MTOR: variants seen among roughly 807,000 people sequenced by gnomAD.
MTOR encodes the protein serine/threonine-protein kinase mTOR.
MTOR carries 70 observed loss-of-function variants against 319.8 expected under a neutral mutation model. The observed-to-expected ratio is 0.22, with a 90% CI of 0.18 to 0.27. The LOEUF (loss-of-function observed/expected upper bound fraction) is 0.27, where lower values mean the gene tolerates loss of function less well. MTOR is among the 10% of genes least tolerant of loss of function. The pLI, the probability that MTOR is intolerant of heterozygous loss-of-function variation, is 1.00. For missense variants in MTOR, 1,890 were observed against 3,274.4 expected (o/e 0.58, Z 10.32); for synonymous variants, 1,183 against 1,211.4 (o/e 0.98, Z 0.49).
At chr1:11,221,639 G>A (rs1646665163) in intron 19 of MTOR, among the ~76,000 whole-genome samples, 1 of 150,704 alleles carries the variant, frequency 6.6e-6, no homozygotes, top group African/African-American at 2.4e-5. Flanking sequence ...ACAACAGCCA[G>A]GGTGATCAGG....
intron 34 of MTOR, 108 bp downstream of exon 34, chr1:11,144,540 A>G (rs1643862991): frequency 2.5e-6 from 2 of 795,256 alleles, no homozygotes; most frequent in Admixed American, 4.5e-5. Context: ...CTGGTGGAGG[A>G]GGCAGGAAAA....
At chr1:11,200,379 C>G (rs1373582711) in intron 26 of MTOR, among the ~76,000 whole-genome samples, 1 of 152,142 alleles carries the variant, frequency 6.6e-6, no homozygotes, top group African/African-American at 2.4e-5. Flanking sequence ...TCTAAGCCAA[C>G]AGTTGGGGCC....
At chr1:11,111,146 T>G in intron 54 of MTOR, 1 of 455,924 alleles carries the variant, frequency 2.2e-6, no homozygotes. Flanking sequence ...AACACCCTTT[T>G]CCTTTCTACC....
chr1:11,174,004 G>A (rs908038979), intron 28 of MTOR, among the ~76,000 whole-genome samples: 10 of 152,128 alleles, frequency 6.6e-5, no homozygotes, highest in African/African-American at 2.4e-4. Flanking sequence ...GTATTATTTC[G>A]ACCCTGTGAA....
chr1:11,167,034 G>A (rs1644666304), intron 29 of MTOR, among the ~76,000 whole-genome samples: 1 of 152,140 alleles, frequency 6.6e-6, no homozygotes, highest in Non-Finnish European at 1.5e-5. Context: ...TCATAGGTGG[G>A]AACTGAACAA....
chr1:11,127,608 G>A lies in MTOR; in HGVS notation c.6216+16C>T. On this transcript the variant is annotated intron_variant, in intron 44 of 57. Transcript: ENST00000361445. The surrounding 1 kb of genome is among the most constrained non-coding windows in gnomAD (Gnocchi z 5.5). ...TTTCTACAGGGTTATGTCCTTTCGT[G>A]TTTTTTACCCCATACCTGATTAAAG... 5.0e-6 allele frequency: 8 copies of A among 1,588,058 alleles called. No homozygotes were observed. The highest frequency in any genetic ancestry group is 6.8e-6 in the Non-Finnish European group (8 of 1,169,582).
chr1:11,145,113 C>A lies in MTOR; in HGVS notation c.4687-68G>T, dbSNP rs924644287. 3.5e-5 allele frequency: 45 copies of A among 1,281,626 alleles called. 1 individual carries two copies. Among genetic ancestry groups the A allele is most frequent in the Non-Finnish European group, 4.8e-5 (43 of 890,872 alleles). The allele number at this position is 1,281,626 out of a possible 1,614,324, so 79.4% of individuals were successfully genotyped here. On this transcript the variant is annotated intron_variant, in intron 32 of 57. Coordinates refer to ENST00000361445, the MANE Select transcript of MTOR (RefSeq NM_004958.4). ...AGCTTAGGGTTATTTTAGGGCACCC[C>A]AACTAGCTACAGAAGTTATCTGTCT... is the stretch of plus-strand genomic sequence containing the variant.
At position 11,107,515 on chromosome 1, in the gene MTOR, A is replaced by G. The variant is rs1641634008; in HGVS notation, c.7635-15T>C. 1.9e-6 allele frequency: 3 copies of G among 1,612,332 alleles called. No homozygotes were observed. The highest frequency in any genetic ancestry group is 2.2e-5 in the South Asian group (2 of 90,638). On this transcript the variant is annotated splice_polypyrimidine_tract_variant and intron_variant, in intron 57 of 57. Coordinates refer to ENST00000361445, the MANE Select transcript of MTOR (RefSeq NM_004958.4). ...AGAAAGGGCACCTAAGAAGGCAGAA[A>G]GAAAAGGAATATTTTAATAATTTGA...
In MTOR at chr1:11,122,105, G is replaced by A. The variant is rs776928139; in HGVS notation, c.6684C>T (p.Ile2228=). ...TGAGGCCCGAGTTGGTCGATAAAGGGATGACAGCGTATCTCTGGATGCTGG... is the reference window on the plus strand; with the variant it reads ...TGAGGCCCGAGTTGGTCGATAAAGGAATGACAGCGTATCTCTGGATGCTGG... ...KNLSIQRYAV[I]PLSTNSGLIG... The change falls in exon 48 of 58, where the codon ATC becomes ATT. Residue 2228 remains isoleucine (I), a synonymous_variant. Coordinates refer to ENST00000361445, the MANE Select transcript of MTOR (RefSeq NM_004958.4). The A allele has an allele frequency of 3.1e-6, 5 of 1,614,276 alleles. No individual in the cohort carries two copies. The highest frequency in any genetic ancestry group is 2.2e-5 in the South Asian group (2 of 91,088).
chr1:11,128,013 C>G lies in MTOR; in HGVS notation c.6024G>C (p.Gln2008His), dbSNP rs1406328507. 6.2e-7 allele frequency: 1 copy of G among 1,613,986 alleles called. No homozygotes were observed. Among genetic ancestry groups the G allele is most frequent in the East Asian group, 2.2e-5 (1 of 44,888 alleles). The change falls in exon 43 of 58, where the codon CAG becomes CAC. Residue 2008 changes from glutamine to histidine, a missense_variant. By Grantham distance (24) the Gln-to-His change is conservative. Around this residue, in one of 15 missense-constraint regions of MTOR, gnomAD observed 249 missense variants for 596.2 expected, o/e 0.42. Transcript: ENST00000361445. This position sits in a 1 kb window ranked among gnomAD's most constrained non-coding sequence, Gnocchi z 5.3. ...AGTGGCTCCGACCCACCATCATGGC[C>G]TGCTGGACCAGGGTGTTGCTGTGCT... ...MCEHSNTLVQ[Q>H]AMMVSEELIR...
intron 28 of MTOR, among the ~76,000 whole-genome samples, chr1:11,192,800 C>T (rs1267421111): frequency 2.0e-5 from 3 of 147,026 alleles, no homozygotes; most frequent in Non-Finnish European, 4.5e-5. Context: ...ACACACCAAA[C>T]ACCACAGAGC....
intron 57 of MTOR, among the ~76,000 whole-genome samples, chr1:11,107,945 T>C (rs906818995): frequency 1.3e-5 from 2 of 152,198 alleles, no homozygotes; most frequent in African/African-American, 4.8e-5. Flanking sequence ...CTGAACCACT[T>C]ATCTTAATGT....
chr1:11,205,892 G>GT (rs1336973302), intron 25 of MTOR, among the ~76,000 whole-genome samples: 1 of 152,228 alleles, frequency 6.6e-6, no homozygotes, highest in Non-Finnish European at 1.5e-5. Context: ...AAGTGGTCCA[G>GT]TGAGTGAAAA....
intron 19 of MTOR, among the ~76,000 whole-genome samples, chr1:11,219,085 T>G (rs916067820): frequency 1.3e-5 from 2 of 152,060 alleles, no homozygotes; most frequent in African/African-American, 4.8e-5. Flanking sequence ...CATAGTGGCA[T>G]GTGTCTGTAG....
intron 33 of MTOR, 72 bp from the exon 34 acceptor site, chr1:11,144,827 A>G: frequency 1.3e-6 from 2 of 1,548,988 alleles, no homozygotes; most frequent in African/African-American, 1.4e-5. Flanking sequence ...AATTTAAATC[A>G]TTCCTTCTGG....
chr1:11,125,796 C>A (rs1175225669), intron 46 of MTOR, among the ~76,000 whole-genome samples: 2 of 148,572 alleles, frequency 1.3e-5, no homozygotes, highest in African/African-American at 5.0e-5. Context: ...AATCCCAGCA[C>A]TTTGGAAGGC....
intron 28 of MTOR, among the ~76,000 whole-genome samples, chr1:11,170,597 T>C (rs763748464): frequency 1.8e-4 from 28 of 151,466 alleles, no homozygotes; most frequent in Admixed American, 9.9e-4. Flanking sequence ...GTATATAGTC[T>C]ATATATTTTA....
At chr1:11,142,002 AAAATAAAT>A (rs560419647) in intron 34 of MTOR, among the ~76,000 whole-genome samples, 1 of 151,226 alleles carries the variant, frequency 6.6e-6, no homozygotes, top group African/African-American at 2.4e-5. Context: ...CTCCGTCTCA[AAAATAAAT>A]AAATAAATAA....
chr1:11,179,799 C>T (rs954909151), intron 28 of MTOR, among the ~76,000 whole-genome samples: 2 of 152,214 alleles, frequency 1.3e-5, no homozygotes, highest in African/African-American at 4.8e-5. Context: ...ACTGCTTCTG[C>T]TTTTGCTCTT....
Sources: gnomAD v4.1 joint callset for allele counts (sites outside exome capture counted in the v4.1 genomes callset) on GRCh38, gnomAD v4.1.1 for gene constraint, gnomAD v4.1.1 regional missense constraint, Gnocchi (gnomAD v3.1) non-coding constraint, MANE v1.5 for transcripts, NCBI Gene and HGNC (gene_info 2026-07-23, HGNC 2026-07-21) for gene names.